OSBPL1A: variants seen among roughly 807,000 people sequenced by gnomAD.
OSBPL1A encodes the protein oxysterol binding protein like 1A.
A neutral mutation model predicts 137.1 loss-of-function variants in OSBPL1A; 80 were observed. That is an observed-to-expected ratio of 0.58 (90% CI 0.49 to 0.70). The LOEUF (loss-of-function observed/expected upper bound fraction) is 0.70, where lower values mean the gene tolerates loss of function less well. Among genes scored for constraint, OSBPL1A ranks in the 30% least tolerant of loss-of-function variants. The pLI is 0.00. For missense variants in OSBPL1A, 970 were observed against 1,129.4 expected, an observed-to-expected ratio of 0.86 and a Z score of 2.02; for synonymous variants, 365 against 389.7, an observed-to-expected ratio of 0.94 and a Z score of 0.75.
intron 18 of OSBPL1A, among the ~76,000 whole-genome samples, chr18:24,184,183 G>A (rs2086682250): frequency 6.6e-6 from 1 of 152,078 alleles, no homozygotes; most frequent in Admixed American, 6.6e-5. Flanking sequence ...GAGTTTCTGG[G>A]TCAAGAGCAT....
intron 1 of OSBPL1A, among the ~76,000 whole-genome samples, chr18:24,395,628 T>C: frequency 6.6e-6 from 1 of 150,552 alleles, no homozygotes; most frequent in African/African-American, 2.4e-5. Context: ...TTTTTTTTTC[T>C]TTTTTTTGTG....
intron 21 of OSBPL1A, among the ~76,000 whole-genome samples, chr18:24,175,958 C>T (rs780043541): frequency 7.9e-5 from 12 of 152,198 alleles, no homozygotes; most frequent in East Asian, 1.9e-4. Flanking sequence ...CACATTTCTG[C>T]GGGTCAATTT....
intron 17 of OSBPL1A, among the ~76,000 whole-genome samples, chr18:24,207,010 T>C (rs2087393616): frequency 6.6e-6 from 1 of 152,158 alleles, no homozygotes; most frequent in Non-Finnish European, 1.5e-5. Context: ...TGATTTTACC[T>C]AATGTCTCAA....
intron 14 of OSBPL1A, among the ~76,000 whole-genome samples, chr18:24,298,284 G>T (rs2090329436): frequency 6.6e-6 from 1 of 152,178 alleles, no homozygotes; most frequent in Non-Finnish European, 1.5e-5. Flanking sequence ...CCTCAGGGCT[G>T]CTCTGTCTAT....
At chr18:24,341,452 C>A in intron 5 of OSBPL1A, 95 bp downstream of exon 5, 1 of 671,964 alleles carries the variant, frequency 1.5e-6, no homozygotes, top group Non-Finnish European at 2.6e-6. Context: ...GCTGGTTATC[C>A]TCTGTTTTGT....
intron 15 of OSBPL1A, among the ~76,000 whole-genome samples, chr18:24,249,919 C>G (rs2089022350): frequency 6.6e-6 from 1 of 152,180 alleles, no homozygotes; most frequent in Admixed American, 6.5e-5. Context: ...TAGGAAGTCA[C>G]TGGCCAAGGT....
At chr18:24,298,679 C>A (rs893815401) in intron 14 of OSBPL1A, among the ~76,000 whole-genome samples, 1 of 152,166 alleles carries the variant, frequency 6.6e-6, no homozygotes, top group Non-Finnish European at 1.5e-5. Context: ...ATCCAAGAAC[C>A]CTCTCTTAGG....
chr18:24,392,494 A>C (rs1204348923), intron 1 of OSBPL1A, among the ~76,000 whole-genome samples: 2 of 152,208 alleles, frequency 1.3e-5, no homozygotes, highest in African/African-American at 4.8e-5. Context: ...GACTATTCAA[A>C]AATTATTAAA....
chr18:24,174,242 A>T (rs544392447), intron 21 of OSBPL1A, among the ~76,000 whole-genome samples: 2 of 152,358 alleles, frequency 1.3e-5, no homozygotes, highest in African/African-American at 4.8e-5. Context: ...TAAGGCAAAT[A>T]CCTAGGTGTG....
intron 12 of OSBPL1A, among the ~76,000 whole-genome samples, chr18:24,313,975 C>G (rs569072230): frequency 6.6e-6 from 1 of 151,954 alleles, no homozygotes; most frequent in African/African-American, 2.4e-5. Flanking sequence ...CGTATTGGCA[C>G]GTGCCTGTAG....
chr18:24,205,934 A>C (rs1259824277), intron 17 of OSBPL1A, among the ~76,000 whole-genome samples: 1 of 152,198 alleles, frequency 6.6e-6, no homozygotes, highest in Non-Finnish European at 1.5e-5. Context: ...TCTGTCACCC[A>C]GGCTGGAGTG....
At chr18:24,385,246 A>G (rs184217335) in intron 1 of OSBPL1A, among the ~76,000 whole-genome samples, 1,607 of 151,980 alleles carry the variant, frequency 0.011, 10 homozygotes, top group Non-Finnish European at 0.015. Flanking sequence ...GAGCCACCGC[A>G]CCCGGCCTGT....
intron 16 of OSBPL1A, among the ~76,000 whole-genome samples, chr18:24,238,018 C>A (rs2088553792): frequency 6.6e-6 from 1 of 152,204 alleles, no homozygotes; most frequent in Non-Finnish European, 1.5e-5. Context: ...TATCAAACCT[C>A]TATTAATAAT....
At chr18:24,315,832 GTATATATTATATAATAAAATATATAA>G (rs1568021816) in intron 11 of OSBPL1A, among the ~76,000 whole-genome samples, 3 of 102,822 alleles carry the variant, frequency 2.9e-5, no homozygotes, top group African/African-American at 8.2e-5. Flanking sequence ...ATAATATATA[GTATATATTATATAATAAAATATATAA>G]TATATAGTAT....
At chr18:24,237,483 T>G (rs903397665) in intron 16 of OSBPL1A, among the ~76,000 whole-genome samples, 2 of 152,140 alleles carry the variant, frequency 1.3e-5, no homozygotes, top group Non-Finnish European at 2.9e-5. Context: ...TTTTGTATTT[T>G]CAGTAGAGAC....
intron 2 of OSBPL1A, among the ~76,000 whole-genome samples, chr18:24,375,296 C>G (rs1270372665): frequency 2.8e-5 from 2 of 71,746 alleles, no homozygotes; most frequent in Non-Finnish European, 5.0e-5. Flanking sequence ...GCCTGGGCAA[C>G]AGAACAAAAC....
In OSBPL1A at chr18:24,388,717, T is replaced by C. The variant is rs1269688384; in HGVS notation, c.-3+8938A>G. On this transcript the variant is annotated intron_variant, in intron 1 of 27. Coordinates refer to ENST00000319481, the MANE Select transcript of OSBPL1A (RefSeq NM_080597.4). ...CAGGAAGCTGAAGCAGGAGAATCGCTTGAACCCAGGAGGTGGAGGCTGCAG... is the reference window on the plus strand; with the variant it reads ...CAGGAAGCTGAAGCAGGAGAATCGCCTGAACCCAGGAGGTGGAGGCTGCAG... Among the ~76,000 whole-genome samples the C allele has an allele frequency of 2.0e-5, 3 of 149,334 alleles. No homozygotes were observed. In the East Asian group the frequency reaches 6.0e-4, roughly 30 times the overall value.
At chr18:24,397,257 A>G (rs1907817173) in intron 1 of OSBPL1A, among the ~76,000 whole-genome samples, 1 of 152,232 alleles carries the variant, frequency 6.6e-6, no homozygotes, top group South Asian at 2.1e-4. Context: ...CGTGACTTCC[A>G]TTGTGCATCA....
chr18:24,323,339 TG>T, intron 7 of OSBPL1A, among the ~76,000 whole-genome samples: 1 of 151,150 alleles, frequency 6.6e-6, no homozygotes, highest in Middle Eastern at 3.4e-3. Flanking sequence ...GATCGCTTGA[TG>T]CCAGCAGTTC....
Sources: gnomAD v4.1 joint callset for allele counts (sites outside exome capture counted in the v4.1 genomes callset) on GRCh38, gnomAD v4.1.1 for gene constraint, MANE v1.5 for transcripts, NCBI Gene and HGNC (gene_info 2026-07-23, HGNC 2026-07-21) for gene names.